MARCHF1: variants seen among roughly 807,000 people sequenced by gnomAD.
The protein encoded by MARCHF1 is membrane associated ring-CH-type finger 1, also known as E3 ubiquitin-protein ligase MARCHF1.
Under a neutral mutation model 54.2 loss-of-function variants are expected in MARCHF1, and 40 were observed. The ratio of observed to expected loss-of-function variants is 0.74; its 90% confidence interval spans 0.57 to 0.96. The LOEUF is 0.96. Ranked by LOEUF, MARCHF1 falls within the 40% of genes least tolerant of loss-of-function variation. The probability of loss-of-function intolerance (pLI) is 0.00; values close to 1 mark genes in which losing one functional copy is unlikely to be tolerated. For missense variants in MARCHF1, 586 were observed against 656.5 expected (o/e 0.89, Z 1.17); for synonymous variants, 236 against 236.3 (o/e 1.00, Z 0.01).
In MARCHF1 at chr4:163,526,632, C is replaced by CAGTT. The variant is rs1738114367; in HGVS notation, c.*2112_*2115dup. 1 of 150,704 alleles carries CAGTT rather than the reference C, an allele frequency of 6.6e-6. No homozygotes were observed. The highest frequency in any genetic ancestry group is 6.6e-5 in the Admixed American group (1 of 15,038). 9.3% of individuals were successfully genotyped at this position (150,704 alleles called of 1,614,324 possible). ...GGGCATTTAAGAGGAATTTAATATA[C>CAGTT]AGTTTGTTTAAGGTCCACATGTTTT... is the stretch of plus-strand genomic sequence containing the variant. On this transcript the variant is annotated 3_prime_UTR_variant, in exon 10 of 10. Coordinates refer to ENST00000514618, the MANE Select transcript of MARCHF1 (RefSeq NM_001394959.1).
At chr4:164,073,219 G>T (rs542714909) in intron 2 of MARCHF1, among the ~76,000 whole-genome samples, 2 of 152,120 alleles carry the variant, frequency 1.3e-5, no homozygotes, top group African/African-American at 4.8e-5. Flanking sequence ...GGCACTGTTC[G>T]CAATAGCAAA....
intron 1 of MARCHF1, among the ~76,000 whole-genome samples, chr4:164,176,369 C>T (rs1178318002): frequency 6.6e-6 from 1 of 152,160 alleles, no homozygotes; most frequent in Non-Finnish European, 1.5e-5. Context: ...TAGTATCATA[C>T]AGCACTAACA....
At chr4:163,535,238 T>TA (rs1400724426) in intron 9 of MARCHF1, among the ~76,000 whole-genome samples, 1 of 152,096 alleles carries the variant, frequency 6.6e-6, no homozygotes, top group African/African-American at 2.4e-5. Flanking sequence ...ATTTTTCTTA[T>TA]AAAAAAGTTT....
chr4:164,117,403 T>C (rs75522084), intron 1 of MARCHF1, among the ~76,000 whole-genome samples: 1,543 of 152,188 alleles, frequency 0.01, 39 homozygotes, highest in African/African-American at 0.036. Context: ...CCTAGGAACA[T>C]TTTAAAAGGT....
chr4:164,332,903 T>C (rs1007590215), intron 1 of MARCHF1, among the ~76,000 whole-genome samples: 1 of 152,192 alleles, frequency 6.6e-6, no homozygotes, highest in African/African-American at 2.4e-5. Flanking sequence ...TATAGTATAA[T>C]GAAAGTATAT....
At position 164,338,800 on chromosome 4, in the gene MARCHF1, C is replaced by T. The variant is rs140382190; in HGVS notation, c.-323+45070G>A. Among the ~76,000 whole-genome samples the T allele has an allele frequency of 4.6e-3, 696 of 152,074 alleles. 5 individuals carry two copies. Among genetic ancestry groups the T allele is most frequent in the African/African-American group, 0.016 (649 of 41,490 alleles). On this transcript the variant is annotated intron_variant, in intron 1 of 9. Transcript: ENST00000514618. ...CCAGCCTTACCACCATGGAGAAACC[C>T]CATCTCTAATAAAAATACAAAATTA...
At chr4:163,723,022 A>G (rs1318942484) in intron 4 of MARCHF1, among the ~76,000 whole-genome samples, 7 of 152,218 alleles carry the variant, frequency 4.6e-5, no homozygotes, top group Non-Finnish European at 1.0e-4. Flanking sequence ...TAGCCCATTT[A>G]CATTTAAGGT....
At chr4:163,944,045 C>T (rs1266660148) in intron 3 of MARCHF1, among the ~76,000 whole-genome samples, 1 of 151,720 alleles carries the variant, frequency 6.6e-6, no homozygotes, top group East Asian at 1.9e-4. Flanking sequence ...TCGCTCACTG[C>T]AAGCTCCACC....
chr4:164,340,424 T>G (rs1357949165), intron 1 of MARCHF1, among the ~76,000 whole-genome samples: 2 of 131,758 alleles, frequency 1.5e-5, no homozygotes, highest in South Asian at 2.4e-4. Flanking sequence ...GATATATATA[T>G]ATATATATAT....
At chr4:164,201,419 A>G (rs1260478787) in intron 1 of MARCHF1, among the ~76,000 whole-genome samples, 2 of 152,118 alleles carry the variant, frequency 1.3e-5, no homozygotes, top group Non-Finnish European at 2.9e-5. Context: ...ACAGGGTTTC[A>G]CCATGTTGGC....
At chr4:163,620,726 T>C (rs1457559172) in intron 5 of MARCHF1, among the ~76,000 whole-genome samples, 1 of 152,052 alleles carries the variant, frequency 6.6e-6, no homozygotes, top group Non-Finnish European at 1.5e-5. Flanking sequence ...CAGTGTCATC[T>C]TGTTAGGGTA....
intron 7 of MARCHF1, among the ~76,000 whole-genome samples, chr4:163,594,453 A>C (rs1361001431): frequency 2.0e-5 from 3 of 151,878 alleles, no homozygotes; most frequent in Non-Finnish European, 2.9e-5. Flanking sequence ...TGAAAAATAA[A>C]GATTACACAG....
chr4:164,029,404 C>T (rs886836638), intron 2 of MARCHF1, among the ~76,000 whole-genome samples: 3 of 151,856 alleles, frequency 2.0e-5, no homozygotes, highest in Admixed American at 2.0e-4. Context: ...GATGATAGTA[C>T]CAAGGGAGAA....
chr4:164,274,870 G>T (rs954714044), intron 1 of MARCHF1, among the ~76,000 whole-genome samples: 1 of 150,552 alleles, frequency 6.6e-6, no homozygotes, highest in Non-Finnish European at 1.5e-5. Context: ...TAGAGACGGG[G>T]TTTCACCGTG....
chr4:163,663,025 A>C (rs1314601273), intron 5 of MARCHF1, among the ~76,000 whole-genome samples: 3 of 152,058 alleles, frequency 2.0e-5, no homozygotes, highest in Admixed American at 2.0e-4. Context: ...CAGGTCATGC[A>C]AACAATACAA....
intron 2 of MARCHF1, among the ~76,000 whole-genome samples, chr4:164,074,692 T>C (rs1440174630): frequency 6.6e-6 from 1 of 152,058 alleles, no homozygotes; most frequent in Non-Finnish European, 1.5e-5. Flanking sequence ...CTCTGTTATG[T>C]TTTGAAAAGA....
At chr4:163,827,009 G>A (rs1273643748) in intron 4 of MARCHF1, among the ~76,000 whole-genome samples, 1 of 151,678 alleles carries the variant, frequency 6.6e-6, no homozygotes, top group Admixed American at 6.6e-5. Context: ...CGCAATTAAC[G>A]ACTACAAAAT....
intron 8 of MARCHF1, among the ~76,000 whole-genome samples, chr4:163,557,487 G>C (rs10024201): frequency 0.86 from 130,163 of 152,084 alleles, 55,852 homozygotes; most frequent in Middle Eastern, 0.93. Context: ...GCCAAGGGGT[G>C]TGTTTTTTTG....
intron 1 of MARCHF1, among the ~76,000 whole-genome samples, chr4:164,266,774 T>A (rs1049257178): frequency 6.6e-6 from 1 of 152,124 alleles, no homozygotes; most frequent in Admixed American, 6.5e-5. Flanking sequence ...TTTTTGACCT[T>A]ATACATTTGT....
Sources: gnomAD v4.1 joint callset for allele counts (sites outside exome capture counted in the v4.1 genomes callset) on GRCh38, gnomAD v4.1.1 for gene constraint, MANE v1.5 for transcripts, NCBI Gene and HGNC (gene_info 2026-07-23, HGNC 2026-07-21) for gene names.